AKAP1: variants seen among roughly 807,000 people sequenced by gnomAD.
AKAP1 encodes the protein A-kinase anchor protein 1, mitochondrial.
In AKAP1, 32 loss-of-function variants were observed where a neutral mutation model predicts 79.8. That is an observed-to-expected ratio of 0.40 (90% confidence interval 0.30 to 0.54). AKAP1 has a LOEUF of 0.54. Ranked by LOEUF, AKAP1 falls within the 20% of genes least tolerant of loss-of-function variation. The probability of loss-of-function intolerance (pLI) is 0.47; values close to 1 mark genes in which losing one functional copy is unlikely to be tolerated. For missense variants in AKAP1, 961 were observed against 1,138.9 expected, an observed-to-expected ratio of 0.84 and a Z score of 2.25; for synonymous variants, 416 against 466.7, an observed-to-expected ratio of 0.89 and a Z score of 1.40.
chr17:57,113,545 T>A (rs992458906), intron 5 of AKAP1, among the ~76,000 whole-genome samples: 7 of 150,800 alleles, frequency 4.6e-5, no homozygotes, highest in Non-Finnish European at 5.9e-5. Flanking sequence ...TATGCTTTAC[T>A]CCTGAATCAA....
In AKAP1 at chr17:57,105,968, T is replaced by G; in HGVS notation, c.504T>G (p.Asp168Glu). The G allele has an allele frequency of 6.2e-7, 1 of 1,614,200 alleles. No homozygotes were observed. Among genetic ancestry groups the G allele is most frequent in the Non-Finnish European group, 8.5e-7 (1 of 1,180,038 alleles). ...AATCAGCTGAGGTGTGTAAGCAAGA[T>G]TCCCCCTTCAGCAGGGTGCCAAGGA... ...SSKSAEVCKQ[D>E]SPFSRVPRKV... Residue 168 changes from aspartate to glutamate, a missense_variant, in exon 2 of 11, where the codon GAT (aspartate) becomes GAG (glutamate). Asp to Glu is a conservative substitution (Grantham distance 45). Transcript: ENST00000337714.
At chr17:57,114,350 C>T in intron 5 of AKAP1, 109 bp from the exon 6 acceptor site, 1 of 1,373,990 alleles carries the variant, frequency 7.3e-7, no homozygotes, top group East Asian at 2.4e-5. Context: ...CTTGAGTTGC[C>T]CTTTTCAAAG....
rs764936272 is a variant in AKAP1 at position 57,118,361 on chromosome 17, T to A, written c.2501-20T>A. 2 of 1,613,298 alleles carry A rather than the reference T, an allele frequency of 1.2e-6. No homozygotes were observed. Among genetic ancestry groups the A allele is most frequent in the Admixed American group, 3.3e-5 (2 of 60,000 alleles). ...GCCTCAGTGAGAGCCTAAATGCCGC[T>A]TTTCCTTTTCCTCCTGAAGACGATG... On this transcript the variant is annotated intron_variant, in intron 8 of 10. Coordinates refer to ENST00000337714, the MANE Select transcript of AKAP1 (RefSeq NM_003488.4).
chr17:57,111,120 G>C (rs933980781), intron 3 of AKAP1, among the ~76,000 whole-genome samples: 14 of 152,208 alleles, frequency 9.2e-5, no homozygotes, highest in Non-Finnish European at 1.8e-4. Flanking sequence ...GGCTGTGCCT[G>C]AGGATGGACC....
At chr17:57,116,051 T>G (rs1597991040) in intron 6 of AKAP1, 60 bp from the exon 7 acceptor site, 2 of 1,577,156 alleles carry the variant, frequency 1.3e-6, no homozygotes, top group Non-Finnish European at 8.6e-7. Flanking sequence ...AGTGGCCAGG[T>G]GGCCCTTGGT....
chr17:57,117,455 A>G (rs567240771), intron 8 of AKAP1, among the ~76,000 whole-genome samples: 1 of 152,172 alleles, frequency 6.6e-6, no homozygotes, highest in Admixed American at 6.5e-5. Flanking sequence ...TAAACCTAAG[A>G]TCTGGTGTGT....
Position 57,106,517 on chromosome 17 carries a change from A to C in AKAP1, c.1053A>C (p.Ile351=), listed in dbSNP as rs200749203. Residue 351 remains isoleucine (I), a synonymous_variant, in exon 2 of 11, where the codon ATA becomes ATC. Transcript: ENST00000337714. ...AGATTAAGCGGGCTGCCTTCCAGAT[A>C]ATCTCCCAAGTGATCTCAGAAGCAA... ...NEEIKRAAFQ[I]ISQVISEATE... 1 of 1,614,122 alleles carries C rather than the reference A, an allele frequency of 6.2e-7. No homozygotes were observed. The highest frequency in any genetic ancestry group is 2.2e-5 in the East Asian group (1 of 44,884).
chr17:57,109,975 C>T (rs766288318), intron 2 of AKAP1, 50 bp from the exon 3 acceptor site: 10 of 1,593,892 alleles, frequency 6.3e-6, no homozygotes, highest in Non-Finnish European at 8.6e-6. Context: ...TTACTGGCTG[C>T]TCTGAGTGGG....
chr17:57,086,900 G>T lies in AKAP1; in HGVS notation c.-25+1502G>T, dbSNP rs1913496245. ...ACAGAACATCTTTGAAATGAAGAAGGCTGCCTGACTTGATCATTTATATAA... is the reference window on the plus strand; with the variant it reads ...ACAGAACATCTTTGAAATGAAGAAGTCTGCCTGACTTGATCATTTATATAA... On this transcript the variant is annotated intron_variant, in intron 1 of 10. Transcript: ENST00000337714. This position sits in a 1 kb window ranked among gnomAD's most constrained non-coding sequence, Gnocchi z 5.1. 6.6e-6 allele frequency among the ~76,000 whole-genome samples: 1 copy of T among 151,982 alleles called. No homozygotes were observed.
chr17:57,098,610 G>A (rs914006165), intron 1 of AKAP1: 7 of 152,182 alleles, frequency 4.6e-5, no homozygotes, highest in African/African-American at 1.4e-4. Flanking sequence ...GCACTACCTG[G>A]GCACTCAGGA....
chr17:57,105,828 G>A lies in AKAP1; in HGVS notation c.364G>A (p.Gly122Arg). 2 of 1,614,206 alleles carry A rather than the reference G, an allele frequency of 1.2e-6. No homozygotes were observed. The highest frequency in any genetic ancestry group is 1.7e-6 in the Non-Finnish European group (2 of 1,180,054). Residue 122 changes from glycine (G) to arginine (R), a missense_variant, in exon 2 of 11, where the codon GGA becomes AGA. By Grantham distance (125) the Gly-to-Arg change is moderately radical (BLOSUM62 -2). Transcript: ENST00000337714. ...PNTTDMRLRPGTRRDDSTKLE... is the reference protein window; with the variant it reads ...PNTTDMRLRPRTRRDDSTKLE... ...CACCACAGACATGAGATTGCGACCA[G>A]GAACACGCAGAGATGACAGTACAAA... is the stretch of plus-strand genomic sequence containing the variant.
chr17:57,110,339 C>T (rs1177475481), intron 3 of AKAP1, among the ~76,000 whole-genome samples, 181 bp downstream of exon 3: 1 of 152,208 alleles, frequency 6.6e-6, no homozygotes, highest in Non-Finnish European at 1.5e-5. Context: ...AGAGAGCTTC[C>T]TGCAACATGG....
intron 1 of AKAP1, chr17:57,095,587 G>A (rs1453835211): frequency 6.6e-6 from 1 of 151,174 alleles, no homozygotes; most frequent in African/African-American, 2.4e-5. Flanking sequence ...GTGAGTGCCA[G>A]TAATTATTTG....
In AKAP1 at chr17:57,106,003, C is replaced by T; in HGVS notation, c.539C>T (p.Pro180Leu). The change falls in exon 2 of 11, where the codon CCA (proline) becomes CTA (leucine). Residue 180 changes from proline (P) to leucine (L), a missense_variant. This residue lies in a region of AKAP1 where 224 missense variants were observed against 210.2 expected (regional missense o/e 1.07). Transcript: ENST00000337714. Reference sequence around the variant, plus strand: ...AGCAGGGTGCCAAGGAAGGTCCAGCCAGGCTACCCCGTAGTCCCCGCAGAG... The same window carrying T: ...AGCAGGGTGCCAAGGAAGGTCCAGCTAGGCTACCCCGTAGTCCCCGCAGAG... ...PFSRVPRKVQPGYPVVPAEKR... is the reference protein window; with the variant it reads ...PFSRVPRKVQLGYPVVPAEKR... 1.9e-6 allele frequency: 3 copies of T among 1,614,004 alleles called. No homozygotes were observed. Among genetic ancestry groups the T allele is most frequent in the Non-Finnish European group, 2.5e-6 (3 of 1,180,024 alleles).
At chr17:57,109,882 T>A in intron 2 of AKAP1, 143 bp from the exon 3 acceptor site, 9 of 1,088,890 alleles carry the variant, frequency 8.3e-6, no homozygotes, top group Non-Finnish European at 1.1e-5. Context: ...CCTTCTAGAC[T>A]GTAAGTTGAC....
Position 57,106,216 on chromosome 17 carries a change from C to T in AKAP1, c.752C>T (p.Ser251Phe), listed in dbSNP as rs1163465630. The change falls in exon 2 of 11, where the codon TCC becomes TTC. Residue 251 changes from serine to phenylalanine, a missense_variant. Around this residue, in one of 3 missense-constraint regions of AKAP1, gnomAD observed 224 missense variants for 210.2 expected, o/e 1.07. Transcript: ENST00000337714. The part of the protein sequence containing the change: ...GEEDKGKSSS[S>F]QVVGPVQEEE... ...GAAGATAAGGGGAAGAGCAGCTCATCCCAGGTGGTGGGGCCAGTGCAGGAG... is the reference window on the plus strand; with the variant it reads ...GAAGATAAGGGGAAGAGCAGCTCATTCCAGGTGGTGGGGCCAGTGCAGGAG... 2 of 1,614,160 alleles carry T rather than the reference C, an allele frequency of 1.2e-6. No homozygotes were observed. Among genetic ancestry groups the T allele is most frequent in the African/African-American group, 1.3e-5 (1 of 75,046 alleles).
chr17:57,120,681 A>C lies in AKAP1; in HGVS notation c.*357A>C. ...TCCTTCCCCGGCAAAAACCAAACAA[A>C]CTGGCAGACAGGCCAGGGATGTATG... On this transcript the variant is annotated 3_prime_UTR_variant, in exon 11 of 11. Transcript: ENST00000337714. 1 of 188,804 alleles carries C rather than the reference A, an allele frequency of 5.3e-6. No homozygotes were observed. Among genetic ancestry groups the C allele is most frequent in the Non-Finnish European group, 1.1e-5 (1 of 90,828 alleles). The allele number at this position is 188,804 out of a possible 1,614,324, so 11.7% of individuals were successfully genotyped here. A position where few individuals can be genotyped will look rare whatever the true frequency, so the allele number is the denominator to read the frequency against.
At chr17:57,108,292 T>C (rs1915022061) in intron 2 of AKAP1, among the ~76,000 whole-genome samples, 1 of 152,230 alleles carries the variant, frequency 6.6e-6, no homozygotes, top group Non-Finnish European at 1.5e-5. Flanking sequence ...CTACTGTTTT[T>C]ATGTACCTTG....
At chr17:57,100,857 C>T (rs1914463375) in intron 1 of AKAP1, among the ~76,000 whole-genome samples, 1 of 152,042 alleles carries the variant, frequency 6.6e-6, no homozygotes, top group Admixed American at 6.5e-5. Context: ...TGGAGAAACC[C>T]TGTCTCTACT....
Sources: gnomAD v4.1 joint callset for allele counts (sites outside exome capture counted in the v4.1 genomes callset) on GRCh38, gnomAD v4.1.1 for gene constraint, gnomAD v4.1.1 regional missense constraint, Gnocchi (gnomAD v3.1) non-coding constraint, MANE v1.5 for transcripts, NCBI Gene and HGNC (gene_info 2026-07-23, HGNC 2026-07-21) for gene names.